The following ETV5 variants were observed in gnomAD, a reference collection of about 807,000 sequenced individuals.
The protein encoded by ETV5 is ETS variant transcription factor 5, also known as ETS translocation variant 5.
A neutral mutation model predicts 70.0 loss-of-function variants in ETV5; 10 were observed. The observed-to-expected ratio is 0.14, with a 90% CI of 0.09 to 0.24. The LOEUF (loss-of-function observed/expected upper bound fraction) is 0.24, where lower values mean the gene tolerates loss of function less well. Among genes scored for constraint, ETV5 ranks in the 10% least tolerant of loss-of-function variants. The pLI is 1.00. For synonymous variants in ETV5, 216 were observed against 242.2 expected (o/e 0.89, Z 1.01); for missense variants, 453 against 651.2 (o/e 0.70, Z 3.31).
In ETV5 at chr3:186,057,537, G is replaced by A; in HGVS notation, c.971-46C>T. 6.8e-7 allele frequency: 1 copy of A among 1,477,510 alleles called. No individual in the cohort carries two copies. The highest frequency in any genetic ancestry group is 1.4e-5 in the African/African-American group (1 of 72,296). The allele number at this position is 1,477,510 out of a possible 1,614,324, so 91.5% of individuals were successfully genotyped here. On this transcript the variant is annotated intron_variant, in intron 9 of 12. Transcript: ENST00000306376. This position sits in a 1 kb window ranked among gnomAD's most constrained non-coding sequence, Gnocchi z 4.9. Reference sequence around the variant, plus strand: ...AAGACTACGTTGCTTAACAAATTCTGTGTTGTACTAAAACTATGGATTTAA... The same window carrying A: ...AAGACTACGTTGCTTAACAAATTCTATGTTGTACTAAAACTATGGATTTAA...
At chr3:186,077,518 A>G (rs928253119) in intron 7 of ETV5, among the ~76,000 whole-genome samples, 72 of 152,224 alleles carry the variant, frequency 4.7e-4, no homozygotes, top group Admixed American at 4.6e-3. Context: ...GTGGATGACC[A>G]TATTAATAGA....
intron 5 of ETV5, among the ~76,000 whole-genome samples, chr3:186,094,832 T>A (rs1402321274): frequency 6.6e-6 from 1 of 152,178 alleles, no homozygotes; most frequent in African/African-American, 2.4e-5. Context: ...TCAAGTAACA[T>A]GCTTGTGAGT....
rs1038623750 is a variant in ETV5 at position 186,048,257 on chromosome 3, T to C, written c.*382A>G. Reference sequence around the variant, plus strand: ...AATTGTGCAAATCAGAGCCCTTCTATGTAAAGGCATTTAGTAGTCCATGAT... The same window carrying C: ...AATTGTGCAAATCAGAGCCCTTCTACGTAAAGGCATTTAGTAGTCCATGAT... On this transcript the variant is annotated 3_prime_UTR_variant, in exon 13 of 13. Coordinates refer to ENST00000306376, the MANE Select transcript of ETV5 (RefSeq NM_004454.3). 6 of 286,086 alleles carry C rather than the reference T, an allele frequency of 2.1e-5. No individual in the cohort carries two copies. In the Middle Eastern group the frequency reaches 4.1e-3, roughly 198 times the overall value. The allele number at this position is 286,086 out of a possible 1,614,324, so 17.7% of individuals were successfully genotyped here.
chr3:186,059,538 T>C (rs1310848882), intron 9 of ETV5, among the ~76,000 whole-genome samples: 2 of 152,238 alleles, frequency 1.3e-5, no homozygotes, highest in African/African-American at 2.4e-5. Context: ...TAAAAATTCC[T>C]ACCTTATGGT....
At chr3:186,074,192 A>G (rs1713714296) in intron 7 of ETV5, among the ~76,000 whole-genome samples, 1 of 152,156 alleles carries the variant, frequency 6.6e-6, no homozygotes, top group Admixed American at 6.5e-5. Flanking sequence ...AAAGGGCACC[A>G]TGAATAACTT....
intron 5 of ETV5, among the ~76,000 whole-genome samples, chr3:186,085,675 A>AT (rs1714041069): frequency 6.6e-6 from 1 of 151,722 alleles, no homozygotes; most frequent in African/African-American, 2.4e-5. Context: ...CTCCCGGCTA[A>AT]TTTTTTGTAT....
At chr3:186,097,042 C>G (rs1034170064) in intron 5 of ETV5, among the ~76,000 whole-genome samples, 1 of 152,138 alleles carries the variant, frequency 6.6e-6, no homozygotes, top group Non-Finnish European at 1.5e-5. Flanking sequence ...TCAATCAAGG[C>G]TGGATGCTAT....
chr3:186,067,684 A>G (rs1713485441), intron 7 of ETV5, among the ~76,000 whole-genome samples: 1 of 152,222 alleles, frequency 6.6e-6, no homozygotes, highest in Non-Finnish European at 1.5e-5. Flanking sequence ...GAGTGAGGGA[A>G]AACCTAAGTA....
chr3:186,061,699 CTT>C (rs1207287284), intron 9 of ETV5, among the ~76,000 whole-genome samples: 1 of 152,186 alleles, frequency 6.6e-6, no homozygotes, highest in East Asian at 1.9e-4. Context: ...AGAAGGGTAA[CTT>C]TAAGCTCTGA....
intron 7 of ETV5, among the ~76,000 whole-genome samples, chr3:186,070,031 C>T (rs551387830): frequency 6.6e-6 from 1 of 152,082 alleles, no homozygotes; most frequent in East Asian, 1.9e-4. Context: ...AGGCTGGTTT[C>T]GAACTCCTGA....
Position 186,085,507 on chromosome 3 carries a change from G to GTT in ETV5, c.233-4334_233-4333dup, listed in dbSNP as rs550203729. 1.1e-3 allele frequency among the ~76,000 whole-genome samples: 140 copies of GTT among 124,832 alleles called. 1 individual carries two copies. Among genetic ancestry groups the GTT allele is most frequent in the East Asian group, 3.0e-3 (12 of 4,048 alleles). 81.9% of individuals were successfully genotyped at this position (124,832 alleles called of 152,430 possible). ...GCCATCTCTGACTCCAGTAGCCTTC[G>GTT]TTTTTTTTTTTTTTTTTTGAGATAG... On this transcript the variant is annotated intron_variant, in intron 5 of 12. Coordinates refer to ENST00000306376, the MANE Select transcript of ETV5 (RefSeq NM_004454.3).
intron 9 of ETV5, among the ~76,000 whole-genome samples, chr3:186,061,308 G>A (rs1283154952): frequency 6.6e-6 from 1 of 152,080 alleles, no homozygotes; most frequent in Non-Finnish European, 1.5e-5. Flanking sequence ...GAGGAAACCT[G>A]GAAATCTACA....
intron 8 of ETV5, 139 bp downstream of exon 8, chr3:186,065,673 AT>A (rs1319224244): frequency 3.9e-6 from 4 of 1,014,186 alleles, no homozygotes; most frequent in Non-Finnish European, 5.6e-6. Flanking sequence ...CTCCTAAGTT[AT>A]TTGAGGGCAA....
At chr3:186,091,863 C>T (rs1202809524) in intron 5 of ETV5, among the ~76,000 whole-genome samples, 2 of 152,134 alleles carry the variant, frequency 1.3e-5, no homozygotes, top group Non-Finnish European at 2.9e-5. Flanking sequence ...GATGGCCTTG[C>T]ATGAAAATGG....
intron 1 of ETV5, among the ~76,000 whole-genome samples, chr3:186,108,068 C>T (rs1222313229): frequency 6.6e-6 from 1 of 151,960 alleles, no homozygotes; most frequent in Non-Finnish European, 1.5e-5. Context: ...CATAAAGTCA[C>T]CCACATTCAT....
At chr3:186,092,688 C>T (rs145877425) in intron 5 of ETV5, among the ~76,000 whole-genome samples, 3 of 152,148 alleles carry the variant, frequency 2.0e-5, no homozygotes, top group South Asian at 2.1e-4. Flanking sequence ...CTAGTCTCAG[C>T]CCCCCAAAGT....
intron 9 of ETV5, among the ~76,000 whole-genome samples, chr3:186,061,368 C>G (rs1408919139): frequency 2.0e-5 from 3 of 152,066 alleles, no homozygotes; most frequent in African/African-American, 7.2e-5. Flanking sequence ...ACTTGAGAAC[C>G]GTTACTACTC....
intron 5 of ETV5, among the ~76,000 whole-genome samples, chr3:186,098,050 A>G (rs897192940): frequency 4.6e-5 from 7 of 152,206 alleles, no homozygotes; most frequent in African/African-American, 1.7e-4. Flanking sequence ...CTCGCTCAGT[A>G]CGCTGTGTTT....
At chr3:186,107,507 A>C (rs892302027) in intron 1 of ETV5, among the ~76,000 whole-genome samples, 1 of 152,100 alleles carries the variant, frequency 6.6e-6, no homozygotes, top group Non-Finnish European at 1.5e-5. Flanking sequence ...CCGGAAGAGC[A>C]AAAAAAATTC....
Sources: allele counts gnomAD v4.1 joint callset (sites outside exome capture counted in the v4.1 genomes callset), GRCh38; gene constraint gnomAD v4.1.1; non-coding constraint Gnocchi (gnomAD v3.1); transcripts MANE v1.5; gene names NCBI Gene and HGNC (gene_info 2026-07-23, HGNC 2026-07-21).